The following ADAM7 variants were observed in gnomAD, a reference collection of about 807,000 sequenced individuals.
ADAM7 encodes disintegrin and metalloproteinase domain-containing protein 7.
ADAM7 carries 97 observed loss-of-function variants against 102.9 expected under a neutral mutation model. That is an observed-to-expected ratio of 0.94 (90% CI 0.80 to 1.12). The LOEUF is 1.12. Among genes scored for constraint, ADAM7 ranks in the 50% most tolerant of loss-of-function variants. The pLI is 0.00. For missense variants in ADAM7, 991 were observed against 908.7 expected, an observed-to-expected ratio of 1.09 and a Z score of -1.16; for synonymous variants, 334 against 304.4, an observed-to-expected ratio of 1.10 and a Z score of -1.01.
At chr8:24,444,939 G>C (rs1407318758) in intron 2 of ADAM7, among the ~76,000 whole-genome samples, 1 of 152,068 alleles carries the variant, frequency 6.6e-6, no homozygotes, top group Non-Finnish European at 1.5e-5. Flanking sequence ...AGAGTATATG[G>C]AAACTCTGTA....
intron 3 of ADAM7, among the ~76,000 whole-genome samples, chr8:24,451,653 G>T (rs1818795121): frequency 6.6e-6 from 1 of 151,392 alleles, no homozygotes; most frequent in African/African-American, 2.4e-5. Flanking sequence ...ATTTCCTTCA[G>T]TTCTGCTCTG....
At chr8:24,455,992 T>C (rs946976718) in intron 3 of ADAM7, among the ~76,000 whole-genome samples, 2 of 152,292 alleles carry the variant, frequency 1.3e-5, no homozygotes, top group Admixed American at 1.3e-4. Flanking sequence ...ACTTGAAATT[T>C]ACTCTCTAAG....
chr8:24,495,288 T>A (rs889794466), intron 16 of ADAM7, among the ~76,000 whole-genome samples: 12 of 151,864 alleles, frequency 7.9e-5, no homozygotes, highest in Non-Finnish European at 1.6e-4. Context: ...AAAGACAATC[T>A]CTAGATGCAA....
chr8:24,479,446 T>C (rs1029933066), intron 8 of ADAM7, among the ~76,000 whole-genome samples: 20 of 152,162 alleles, frequency 1.3e-4, no homozygotes, highest in African/African-American at 4.8e-4. Flanking sequence ...AAATTTACTA[T>C]AGCTCCCTTG....
intron 3 of ADAM7, among the ~76,000 whole-genome samples, chr8:24,453,840 C>T (rs1376315317): frequency 2.0e-5 from 3 of 152,162 alleles, no homozygotes; most frequent in African/African-American, 7.2e-5. Context: ...GTGTGGATGT[C>T]CTTTCTGTTT....
intron 2 of ADAM7, among the ~76,000 whole-genome samples, chr8:24,443,623 C>A (rs769148426): frequency 5.3e-5 from 8 of 152,140 alleles, no homozygotes; most frequent in Non-Finnish European, 1.0e-4. Flanking sequence ...TGTCCTAAGA[C>A]TTAATCAAGA....
chr8:24,445,705 G>GTTTCTTCTTCTGC (rs1818532440), intron 2 of ADAM7, among the ~76,000 whole-genome samples: 2 of 152,144 alleles, frequency 1.3e-5, no homozygotes, highest in Non-Finnish European at 2.9e-5. Context: ...TTTCTGCCTA[G>GTTTCTTCTTCTGC]ATATTTTGCT....
chr8:24,507,597 T>C, intron 21 of ADAM7, 62 bp downstream of exon 21: 2 of 1,368,828 alleles, frequency 1.5e-6, no homozygotes, highest in Middle Eastern at 1.8e-4. Flanking sequence ...CATAGTTTTG[T>C]GTTCTTTACC....
At chr8:24,507,654 T>G in intron 21 of ADAM7, 119 bp downstream of exon 21, 1 of 764,052 alleles carries the variant, frequency 1.3e-6, no homozygotes, top group Non-Finnish European at 2.1e-6. Context: ...TCACAACAGA[T>G]TAGGAAGGTT....
At chr8:24,449,830 G>A (rs76438197) in intron 3 of ADAM7, among the ~76,000 whole-genome samples, 9,834 of 152,190 alleles carry the variant, frequency 0.065, 484 homozygotes, top group African/African-American at 0.13. Flanking sequence ...TTTTGTATAA[G>A]GTGTAAAGAA....
At chr8:24,461,547 T>C (rs1819242622) in intron 3 of ADAM7, among the ~76,000 whole-genome samples, 2 of 152,210 alleles carry the variant, frequency 1.3e-5, no homozygotes, top group Admixed American at 6.5e-5. Context: ...TTATAATTCA[T>C]GTCTTTCTCC....
chr8:24,481,036 T>TGGG (rs1819932350), intron 8 of ADAM7, among the ~76,000 whole-genome samples: 1 of 151,834 alleles, frequency 6.6e-6, no homozygotes, highest in East Asian at 1.9e-4. Context: ...CACTCCAGGC[T>TGGG]GGGTGACAGA....
At chr8:24,473,283 T>C (rs1819665424) in intron 7 of ADAM7, among the ~76,000 whole-genome samples, 2 of 152,204 alleles carry the variant, frequency 1.3e-5, no homozygotes, top group African/African-American at 2.4e-5. Flanking sequence ...AATCAACTAC[T>C]CAAAACCTGG....
Position 24,499,398 on chromosome 8 carries a change from G to C in ADAM7, c.1923+82G>C, listed in dbSNP as rs967573636. 53 of 1,011,710 alleles carry C rather than the reference G, an allele frequency of 5.2e-5. 1 individual carries two copies. Among genetic ancestry groups the C allele is most frequent in the Non-Finnish European group, 6.8e-5 (48 of 705,656 alleles). The allele number at this position is 1,011,710 out of a possible 1,614,324, so 62.7% of individuals were successfully genotyped here. ...CCCCAGCCTATATGTGCATGTATAT[G>C]TATGTATATATGTATTTTTGCTGCT... is the stretch of plus-strand genomic sequence containing the variant. On this transcript the variant is annotated intron_variant, in intron 17 of 21. Coordinates refer to ENST00000175238, the MANE Select transcript of ADAM7 (RefSeq NM_003817.4).
At chr8:24,497,557 CAAAG>C (rs1330655880) in intron 16 of ADAM7, among the ~76,000 whole-genome samples, 1 of 151,676 alleles carries the variant, frequency 6.6e-6, no homozygotes, top group African/African-American at 2.4e-5. Context: ...TGTTAAAACT[CAAAG>C]AAAATAAATA....
chr8:24,483,130 A>T (rs1820016366), intron 9 of ADAM7, among the ~76,000 whole-genome samples: 1 of 152,152 alleles, frequency 6.6e-6, no homozygotes, highest in Admixed American at 6.5e-5. Context: ...TAATATTCCT[A>T]AGTAAAAGCG....
At chr8:24,465,318 A>C (rs1057446170) in intron 4 of ADAM7, among the ~76,000 whole-genome samples, 1 of 152,222 alleles carries the variant, frequency 6.6e-6, no homozygotes, top group Admixed American at 6.5e-5. Flanking sequence ...GGAGTAATAA[A>C]GACACCAACT....
At chr8:24,454,950 G>A (rs568050513) in intron 3 of ADAM7, among the ~76,000 whole-genome samples, 3 of 151,960 alleles carry the variant, frequency 2.0e-5, no homozygotes, top group South Asian at 2.1e-4. Context: ...TTTTCTGTTC[G>A]CTATAATAAA....
intron 20 of ADAM7, among the ~76,000 whole-genome samples, chr8:24,504,077 A>T (rs1820864468): frequency 6.6e-6 from 1 of 150,692 alleles, no homozygotes; most frequent in African/African-American, 2.5e-5. Flanking sequence ...TAAAATAAAA[A>T]AACTGAGTGG....
Sources: gnomAD v4.1 joint callset for allele counts (sites outside exome capture counted in the v4.1 genomes callset) on GRCh38, gnomAD v4.1.1 for gene constraint, MANE v1.5 for transcripts, NCBI Gene and HGNC (gene_info 2026-07-23, HGNC 2026-07-21) for gene names.